Variants in ARPP21 observed in about 807,000 individuals in gnomAD.
ARPP21 encodes the protein cAMP-regulated phosphoprotein 21.
A neutral mutation model predicts 113.2 loss-of-function variants in ARPP21; 69 were observed. That is an observed-to-expected ratio of 0.61 (90% CI 0.50 to 0.74). The LOEUF is 0.74. ARPP21 is among the 30% of genes least tolerant of loss of function. The pLI is 0.00. For missense variants in ARPP21, 1,070 were observed against 1,037.4 expected, an observed-to-expected ratio of 1.03 and a Z score of -0.43; for synonymous variants, 368 against 375.5, an observed-to-expected ratio of 0.98 and a Z score of 0.23.
intron 19 of ARPP21, among the ~76,000 whole-genome samples, chr3:35,778,966 A>G (rs2096457512): frequency 6.6e-6 from 1 of 152,194 alleles, no homozygotes; most frequent in Admixed American, 6.5e-5. Flanking sequence ...TCTATTGGTA[A>G]TTAACTACTA....
chr3:35,716,506 A>G (rs1277690175), intron 12 of ARPP21, among the ~76,000 whole-genome samples: 10 of 152,186 alleles, frequency 6.6e-5, no homozygotes, highest in African/African-American at 2.2e-4. Flanking sequence ...GAAGAGATAA[A>G]ATTGAGAAAC....
At chr3:35,786,349 C>G (rs1226956573) in intron 19 of ARPP21, among the ~76,000 whole-genome samples, 1 of 151,912 alleles carries the variant, frequency 6.6e-6, no homozygotes, top group Non-Finnish European at 1.5e-5. Flanking sequence ...TGGTGAAACT[C>G]CATCTCTACT....
chr3:35,750,219 T>A (rs539029120), intron 19 of ARPP21, among the ~76,000 whole-genome samples: 8 of 151,854 alleles, frequency 5.3e-5, no homozygotes, highest in African/African-American at 1.9e-4. Context: ...TAAATTTCCC[T>A]TTCAGTCTTG....
rs573964039 is a variant in ARPP21, at chr3:35,738,427, CT to C, written c.1749+110del. ...CACTGGGGTGGGTGCCCTGGGCTGA[CT>C]GTGAGGGGGTATGTGCGAATGTCTC... is the stretch of plus-strand genomic sequence containing the variant. On this transcript the variant is annotated intron_variant, in intron 17 of 20. Coordinates refer to ENST00000684406, the MANE Select transcript of ARPP21 (RefSeq NM_001385562.1). 2.6e-3 allele frequency: 2,049 copies of C among 788,806 alleles called. 4 individuals are homozygous for C. The highest frequency in any genetic ancestry group is 5.6e-3 in the Admixed American group (259 of 46,398). The allele number at this position is 788,806 out of a possible 1,614,324, so 48.9% of individuals were successfully genotyped here.
chr3:35,691,488 A>T (rs7632993), intron 9 of ARPP21, among the ~76,000 whole-genome samples: 67 of 151,568 alleles, frequency 4.4e-4, no homozygotes, highest in African/African-American at 1.6e-3. Flanking sequence ...ACCCAATTCT[A>T]CTTACTAGTT....
intron 7 of ARPP21, 61 bp from the exon 8 acceptor site, chr3:35,690,020 C>A (rs929664837): frequency 1.0e-5 from 8 of 773,072 alleles, no homozygotes; most frequent in African/African-American, 5.2e-5. Flanking sequence ...TTAATTAATT[C>A]TTTAGGTTTT....
intron 9 of ARPP21, among the ~76,000 whole-genome samples, chr3:35,700,689 G>C (rs2086020421): frequency 1.3e-5 from 2 of 151,676 alleles, no homozygotes; most frequent in African/African-American, 4.8e-5. Context: ...AACATGCAAA[G>C]TATTGTGCCT....
At chr3:35,705,237 G>T (rs1316598095) in intron 9 of ARPP21, among the ~76,000 whole-genome samples, 1 of 152,154 alleles carries the variant, frequency 6.6e-6, no homozygotes, top group East Asian at 1.9e-4. Flanking sequence ...GAAAATGTTG[G>T]AATGCTTAAA....
At chr3:35,744,410 G>A in intron 19 of ARPP21, 1 of 485,606 alleles carries the variant, frequency 2.1e-6, no homozygotes, top group South Asian at 1.6e-5. Flanking sequence ...TGTCTCGGTG[G>A]AACTCTGACT....
At chr3:35,775,589 C>A (rs1340697265) in intron 19 of ARPP21, among the ~76,000 whole-genome samples, 1 of 152,132 alleles carries the variant, frequency 6.6e-6, no homozygotes, top group Non-Finnish European at 1.5e-5. Flanking sequence ...ACAGACATAT[C>A]TGGTCATCCC....
intron 13 of ARPP21, among the ~76,000 whole-genome samples, chr3:35,720,016 T>C (rs376335729): frequency 1.3e-5 from 2 of 152,302 alleles, no homozygotes; most frequent in South Asian, 2.1e-4. Context: ...CTTTCTTGAA[T>C]GTCAAAGGAG....
intron 15 of ARPP21, among the ~76,000 whole-genome samples, chr3:35,733,347 T>G (rs543057607): frequency 2.6e-4 from 40 of 152,336 alleles, no homozygotes; most frequent in African/African-American, 9.4e-4. Context: ...ATGTCATATA[T>G]TGGAGAGAAA....
At chr3:35,683,424 G>A (rs1024110841) in intron 4 of ARPP21, among the ~76,000 whole-genome samples, 1 of 151,574 alleles carries the variant, frequency 6.6e-6, no homozygotes, top group South Asian at 2.1e-4. Context: ...TTTTCCTCCT[G>A]ATATTTTCAT....
chr3:35,673,921 C>T (rs930443816), intron 1 of ARPP21, among the ~76,000 whole-genome samples: 1 of 151,978 alleles, frequency 6.6e-6, no homozygotes, highest in Non-Finnish European at 1.5e-5. Flanking sequence ...ATAAAAAATG[C>T]CTTTTTTCTT....
intron 5 of ARPP21, chr3:35,684,116 G>C: frequency 6.6e-7 from 1 of 1,511,196 alleles, no homozygotes; most frequent in Non-Finnish European, 8.8e-7. Context: ...TTCCTCAAAG[G>C]CTCTCTTTTG....
At chr3:35,705,883 A>G (rs955286798) in intron 9 of ARPP21, among the ~76,000 whole-genome samples, 1 of 152,198 alleles carries the variant, frequency 6.6e-6, no homozygotes, top group Non-Finnish European at 1.5e-5. Context: ...AAAGAAAAAA[A>G]TGCTTCTCAT....
intron 4 of ARPP21, 84 bp from the exon 5 acceptor site, chr3:35,683,642 G>A (rs2079639361): frequency 4.2e-6 from 3 of 713,852 alleles, no homozygotes; most frequent in Non-Finnish European, 7.7e-6. Flanking sequence ...TTATGTAAAT[G>A]TGGAGATGAT....
At chr3:35,691,088 T>C in intron 9 of ARPP21, 83 bp downstream of exon 9, 1 of 1,389,566 alleles carries the variant, frequency 7.2e-7, no homozygotes, top group Non-Finnish European at 9.7e-7. Context: ...AAATTCACAG[T>C]ACATGACATT....
intron 9 of ARPP21, among the ~76,000 whole-genome samples, chr3:35,691,887 G>A (rs928409912): frequency 2.0e-5 from 3 of 151,466 alleles, no homozygotes; most frequent in African/African-American, 7.3e-5. Flanking sequence ...CTTTAGAAAT[G>A]TTACTGAAGG....
Sources: allele counts gnomAD v4.1 joint callset (sites outside exome capture counted in the v4.1 genomes callset), GRCh38; gene constraint gnomAD v4.1.1; transcripts MANE v1.5; gene names NCBI Gene and HGNC (gene_info 2026-07-23, HGNC 2026-07-21).